RORA: variants seen among roughly 807,000 people sequenced by gnomAD.
RORA encodes the protein nuclear receptor ROR-alpha.
In RORA, 7 loss-of-function variants were observed where a neutral mutation model predicts 69.5. The observed-to-expected ratio is 0.10, with a 90% CI of 0.06 to 0.19. RORA has a LOEUF of 0.19. Among genes scored for constraint, RORA ranks in the 10% least tolerant of loss-of-function variants. RORA has a pLI of 1.00. For synonymous variants in RORA, 261 were observed against 240.8 expected, an observed-to-expected ratio of 1.08 and a Z score of -0.78; for missense variants, 457 against 663.0, an observed-to-expected ratio of 0.69 and a Z score of 3.41.
At chr15:60,714,250 G>A (rs949713547) in intron 1 of RORA, among the ~76,000 whole-genome samples, 9 of 151,770 alleles carry the variant, frequency 5.9e-5, no homozygotes, top group Non-Finnish European at 8.8e-5. Context: ...GTAGAGATGG[G>A]GTTTCGCCAC....
chr15:61,160,341 G>A (rs2079483782), intron 1 of RORA, among the ~76,000 whole-genome samples: 1 of 152,218 alleles, frequency 6.6e-6, no homozygotes, highest in Non-Finnish European at 1.5e-5. Flanking sequence ...ACTACGAGGT[G>A]AGAAGGATAA....
Position 60,870,485 on chromosome 15 carries a change from G to A in RORA, c.167-191799C>T, listed in dbSNP as rs146746993. 2.6e-3 allele frequency among the ~76,000 whole-genome samples: 403 copies of A among 152,340 alleles called. 3 individuals carry two copies. Among genetic ancestry groups the A allele is most frequent in the African/African-American group, 9.2e-3 (381 of 41,580 alleles). ...ATAAAAGGCATCTGGACCCAAGGAGGTAGTGGAAGTGTAGTGAGAGTGGCG... is the reference window on the plus strand; with the variant it reads ...ATAAAAGGCATCTGGACCCAAGGAGATAGTGGAAGTGTAGTGAGAGTGGCG... On this transcript the variant is annotated intron_variant, in intron 1 of 10. Transcript: ENST00000335670.
At chr15:60,502,981 C>G in intron 7 of RORA, 114 bp from the exon 8 acceptor site, 1 of 782,154 alleles carries the variant, frequency 1.3e-6, no homozygotes, top group South Asian at 1.4e-5. Flanking sequence ...GTGTCGTGTG[C>G]AGTTTAGCTA....
intron 1 of RORA, among the ~76,000 whole-genome samples, chr15:61,035,502 T>C (rs782962): frequency 0.98 from 149,698 of 152,252 alleles, 73,647 homozygotes; most frequent in Middle Eastern, 1. Context: ...AAGAATCTGG[T>C]CTGAATCACA....
At chr15:61,112,488 G>C (rs2079015591) in intron 1 of RORA, among the ~76,000 whole-genome samples, 1 of 152,074 alleles carries the variant, frequency 6.6e-6, no homozygotes, top group African/African-American at 2.4e-5. Context: ...GGATGGGGAC[G>C]GTTTGGAGGC....
At chr15:60,687,303 G>T (rs972287572) in intron 1 of RORA, among the ~76,000 whole-genome samples, 3 of 152,110 alleles carry the variant, frequency 2.0e-5, no homozygotes, top group Non-Finnish European at 2.9e-5. Flanking sequence ...GGTCCATAAA[G>T]AATTTTTTAG....
At chr15:60,996,893 G>A (rs962120132) in intron 1 of RORA, among the ~76,000 whole-genome samples, 2 of 151,754 alleles carry the variant, frequency 1.3e-5, no homozygotes, top group African/African-American at 2.4e-5. Flanking sequence ...CTGGGAGACA[G>A]GGAGACTACG....
At chr15:60,877,023 T>C (rs2073625188) in intron 1 of RORA, among the ~76,000 whole-genome samples, 1 of 152,128 alleles carries the variant, frequency 6.6e-6, no homozygotes, top group South Asian at 2.1e-4. Context: ...AATACTTGGG[T>C]GATGAAATAA....
intron 2 of RORA, among the ~76,000 whole-genome samples, chr15:60,612,244 T>A (rs2069107649): frequency 6.6e-6 from 1 of 152,174 alleles, no homozygotes; most frequent in Non-Finnish European, 1.5e-5. Context: ...AATTTTTTTC[T>A]TTTTGCTTGC....
chr15:60,558,274 T>C (rs745940836), intron 2 of RORA: 7 of 1,612,504 alleles, frequency 4.3e-6, no homozygotes, highest in African/African-American at 2.7e-5. Flanking sequence ...GATACACTGA[T>C]GGAGTATTTG....
chr15:60,605,073 A>G (rs777707102), intron 2 of RORA, among the ~76,000 whole-genome samples: 18 of 152,196 alleles, frequency 1.2e-4, no homozygotes, highest in Non-Finnish European at 2.1e-4. Flanking sequence ...ATATACTCAG[A>G]GCTCCCAAAT....
intron 1 of RORA, among the ~76,000 whole-genome samples, chr15:60,979,036 A>T (rs1893956093): frequency 7.3e-6 from 1 of 137,156 alleles, no homozygotes; most frequent in African/African-American, 2.8e-5. Flanking sequence ...ATCTCAGCTT[A>T]CTGCAAGCTC....
At chr15:61,065,542 AG>A (rs2078245868) in intron 1 of RORA, among the ~76,000 whole-genome samples, 1 of 152,248 alleles carries the variant, frequency 6.6e-6, no homozygotes, top group Non-Finnish European at 1.5e-5. Context: ...AACAAAAAAA[AG>A]GTATTCAAAT....
intron 1 of RORA, among the ~76,000 whole-genome samples, chr15:61,119,863 G>A (rs1192698025): frequency 6.6e-6 from 1 of 152,224 alleles, no homozygotes; most frequent in Non-Finnish European, 1.5e-5. Flanking sequence ...TCATAGATCT[G>A]TGGAGGAGGC....
At chr15:61,108,941 G>A (rs1318999608) in intron 1 of RORA, among the ~76,000 whole-genome samples, 1 of 152,158 alleles carries the variant, frequency 6.6e-6, no homozygotes. Flanking sequence ...GCTCACACCT[G>A]TAATCCCAGC....
At chr15:60,719,828 G>A (rs1285306611) in intron 1 of RORA, among the ~76,000 whole-genome samples, 1 of 152,152 alleles carries the variant, frequency 6.6e-6, no homozygotes, top group African/African-American at 2.4e-5. Flanking sequence ...GAGGTGCTTG[G>A]GTACCGGAAA....
chr15:60,592,462 C>T (rs533826863), intron 2 of RORA: 5 of 1,383,248 alleles, frequency 3.6e-6, no homozygotes, highest in East Asian at 3.2e-5. Flanking sequence ...ATGGTCCGAC[C>T]CCGGAGCCCC....
At chr15:60,957,599 AG>A (rs1368421455) in intron 1 of RORA, among the ~76,000 whole-genome samples, 3 of 152,200 alleles carry the variant, frequency 2.0e-5, no homozygotes, top group Non-Finnish European at 2.9e-5. Context: ...TCAGTCCCTG[AG>A]GGGGCTATAG....
rs552589628 is a variant in RORA, at chr15:61,204,765, CA to C, written c.166+24287del. Among the ~76,000 whole-genome samples the C allele has an allele frequency of 2.3e-4, 35 of 152,288 alleles. No homozygotes were observed. The East Asian group carries it at 6.2e-3, about 27-fold the overall frequency. Reference sequence around the variant, plus strand: ...GACATGCAGCTTTCAGACTTCCACCCAAAAAGTATGCGCAAGAGAGAGCGAG... The same window carrying C: ...GACATGCAGCTTTCAGACTTCCACCCAAAAGTATGCGCAAGAGAGAGCGAG... On this transcript the variant is annotated intron_variant, in intron 1 of 10. Coordinates refer to ENST00000335670, the MANE Select transcript of RORA (RefSeq NM_134261.3).
Sources: gnomAD v4.1 joint callset for allele counts (sites outside exome capture counted in the v4.1 genomes callset) on GRCh38, gnomAD v4.1.1 for gene constraint, MANE v1.5 for transcripts, NCBI Gene and HGNC (gene_info 2026-07-23, HGNC 2026-07-21) for gene names.